NQO2: variants seen among roughly 807,000 people sequenced by gnomAD.
NQO2 encodes the protein ribosyldihydronicotinamide dehydrogenase [quinone].
Under a neutral mutation model 22.0 loss-of-function variants are expected in NQO2, and 18 were observed. That is an observed-to-expected ratio of 0.82 (90% CI 0.56 to 1.21). NQO2 has a LOEUF of 1.21. NQO2 is among the 50% of genes most tolerant of loss of function. The pLI is 0.00. For missense variants in NQO2, 267 were observed against 286.9 expected (o/e 0.93, Z 0.50); for synonymous variants, 106 against 110.8 (o/e 0.96, Z 0.28).
At chr6:3,003,772 T>C in intron 1 of NQO2, 8 of 948,562 alleles carry the variant, frequency 8.4e-6, no homozygotes, top group Non-Finnish European at 1.0e-5. Flanking sequence ...TGCTGTGATG[T>C]ACCTTAAACA....
At position 3,016,954 on chromosome 6, in the gene NQO2, G is replaced by C. The variant is rs1163062207; in HGVS notation, c.488G>C (p.Gly163Ala). The C allele has an allele frequency of 6.2e-7, 1 of 1,614,076 alleles. No homozygotes were observed. The highest frequency in any genetic ancestry group is 1.7e-5 in the Admixed American group (1 of 60,022). The change falls in exon 6 of 7, where the codon GGA becomes GCA. Residue 163 changes from glycine to alanine, a missense_variant. By Grantham distance (60) the Gly-to-Ala change is moderately conservative. Coordinates refer to ENST00000380455, the MANE Select transcript of NQO2 (RefSeq NM_000904.6). ...ATGTACACGAAGACAGGAGTCAATGGAGATTCTCGATACTTCCTGTGGCCA... is the reference window on the plus strand; with the variant it reads ...ATGTACACGAAGACAGGAGTCAATGCAGATTCTCGATACTTCCTGTGGCCA... ...AEMYTKTGVN[G>A]DSRYFLWPLQ...
At position 3,006,251 on chromosome 6, in the gene NQO2, A is replaced by T; in HGVS notation, c.-85-217A>T. 2 of 819,936 alleles carry T rather than the reference A, an allele frequency of 2.4e-6. No homozygotes were observed. Among genetic ancestry groups the T allele is most frequent in the Non-Finnish European group, 2.9e-6 (2 of 679,208 alleles). The allele number at this position is 819,936 out of a possible 1,614,324, so 50.8% of individuals were successfully genotyped here. A position where few individuals can be genotyped will look rare whatever the true frequency, so the allele number is the denominator to read the frequency against. ...GTATGACTGTCTGGATGGAAGGTTC[A>T]GAGTCCTCTCAAAAAAGGAAAAAAG... is the stretch of plus-strand genomic sequence containing the variant. On this transcript the variant is annotated intron_variant, in intron 1 of 6. Transcript: ENST00000380455. This position sits in a 1 kb window ranked among gnomAD's most constrained non-coding sequence, Gnocchi z 4.0.
intron 1 of NQO2, chr6:3,004,729 C>A: frequency 1.3e-6 from 1 of 780,796 alleles, no homozygotes; most frequent in Non-Finnish European, 1.6e-6. Flanking sequence ...TTCACGTTGT[C>A]GTTTGGACAC....
intron 2 of NQO2, among the ~76,000 whole-genome samples, chr6:3,007,994 G>T (rs1409451371): frequency 6.6e-6 from 1 of 152,222 alleles, no homozygotes; most frequent in Non-Finnish European, 1.5e-5. Context: ...ATTAGGTTGG[G>T]CTTTTAAAAG....
chr6:3,002,299 A>G (rs1235707210), intron 1 of NQO2: 2 of 888,176 alleles, frequency 2.3e-6, no homozygotes, highest in Non-Finnish European at 2.7e-6. Flanking sequence ...AAATCATTTC[A>G]TATCACTCTA....
chr6:3,012,424 G>A (rs1757163912), intron 3 of NQO2, 120 bp from the exon 4 acceptor site: 2 of 1,497,742 alleles, frequency 1.3e-6, no homozygotes, highest in African/African-American at 1.4e-5. Context: ...TTCTGGTCAG[G>A]TTGCAGCAAA....
At chr6:3,016,116 G>C (rs1016186513) in intron 5 of NQO2, among the ~76,000 whole-genome samples, 2 of 152,206 alleles carry the variant, frequency 1.3e-5, no homozygotes, top group Non-Finnish European at 2.9e-5. Context: ...ACATGTGGTA[G>C]CTATGAATTC....
chr6:3,010,213 A>G (rs1757097950), intron 3 of NQO2, 24 bp downstream of exon 3: 2 of 1,530,276 alleles, frequency 1.3e-6, no homozygotes, highest in South Asian at 2.5e-5. Flanking sequence ...TAAATGCTCT[A>G]TTTATAAAAA....
chr6:3,015,069 T>A, intron 4 of NQO2: 1 of 1,288,356 alleles, frequency 7.8e-7, no homozygotes, highest in Non-Finnish European at 1.0e-6. Context: ...AGCGCTGGTC[T>A]AAGGAATACA....
rs375073258 is a variant in NQO2 at position 3,001,123 on chromosome 6, C to A, written c.-86+1038C>A. On this transcript the variant is annotated intron_variant, in intron 1 of 6. Transcript: ENST00000380455. ...TTTTTTTTTGAGATGGAGTTTCACTCTTATTGCCCAAGCTGGAGTGCAATG... is the reference window on the plus strand; with the variant it reads ...TTTTTTTTTGAGATGGAGTTTCACTATTATTGCCCAAGCTGGAGTGCAATG... Among the ~76,000 whole-genome samples the A allele has an allele frequency of 1.6e-4, 20 of 121,818 alleles. 2 individuals are homozygous for A. Among genetic ancestry groups the A allele is most frequent in the Admixed American group, 1.3e-3 (14 of 10,974 alleles). 79.9% of individuals were successfully genotyped at this position (121,818 alleles called of 152,430 possible). A position where few individuals can be genotyped will look rare whatever the true frequency, so the allele number is the denominator to read the frequency against.
intron 6 of NQO2, among the ~76,000 whole-genome samples, chr6:3,018,552 G>A (rs1158964788): frequency 6.6e-6 from 1 of 152,108 alleles, no homozygotes; most frequent in South Asian, 2.1e-4. Flanking sequence ...TGTTGCCTGA[G>A]GAAAAAAATG....
rs372144115 is a variant in NQO2 at position 3,015,534 on chromosome 6, C to T, written c.308C>T (p.Pro103Leu). 2.0e-5 allele frequency: 32 copies of T among 1,613,852 alleles called. No individual in the cohort carries two copies. The highest frequency in any genetic ancestry group is 1.6e-4 in the African/African-American group (12 of 74,900). The change falls in exon 5 of 7, where the codon CCG (proline) becomes CTG (leucine). Residue 103 changes from proline to leucine, a missense_variant. By Grantham distance (98) the Pro-to-Leu change is moderately conservative (BLOSUM62 -3). Transcript: ENST00000380455. The part of the protein sequence containing the change: ...READLVIFQF[P>L]LYWFSVPAIL... ...CTTTGGTGTTGCCGCCCACAGTTCCCGCTGTACTGGTTCAGCGTGCCAGCC... is the reference window on the plus strand; with the variant it reads ...CTTTGGTGTTGCCGCCCACAGTTCCTGCTGTACTGGTTCAGCGTGCCAGCC...
At chr6:3,015,823 A>G (rs2038562) in intron 5 of NQO2, among the ~76,000 whole-genome samples, 180 bp downstream of exon 5, 8,605 of 152,318 alleles carry the variant, frequency 0.056, 390 homozygotes, top group African/African-American at 0.12. Flanking sequence ...TTCTGAAATC[A>G]TGGAGCTTTT....
chr6:3,013,536 A>C, intron 4 of NQO2, among the ~76,000 whole-genome samples: 1 of 151,902 alleles, frequency 6.6e-6, no homozygotes, highest in East Asian at 1.9e-4. Flanking sequence ...TCCTGCCTTA[A>C]ATATCCTGAT....
At chr6:3,002,127 A>G in intron 1 of NQO2, 1 of 806,470 alleles carries the variant, frequency 1.2e-6, no homozygotes. Context: ...CAAGGAATAC[A>G]AAAGGGAGTG....
In NQO2 at chr6:3,015,633, G is replaced by A; in HGVS notation, c.407G>A (p.Gly136Asp). The change falls in exon 5 of 7, where the codon GGT (glycine) becomes GAT (aspartate). Residue 136 changes from glycine to aspartate, a missense_variant. Gly to Asp is a moderately conservative substitution (Grantham distance 94). Coordinates refer to ENST00000380455, the MANE Select transcript of NQO2 (RefSeq NM_000904.6). Reference sequence around the variant, plus strand: ...GACATCCCAGGATTCTACGATTCCGGTTTGCTCCAGGTATGTGCTCTTGGA... The same window carrying A: ...GACATCCCAGGATTCTACGATTCCGATTTGCTCCAGGTATGTGCTCTTGGA... ...AFDIPGFYDS[G>D]LLQGKLALLS... The A allele has an allele frequency of 1.9e-6, 3 of 1,614,152 alleles. No homozygotes were observed. Among genetic ancestry groups the A allele is most frequent in the Non-Finnish European group, 2.5e-6 (3 of 1,180,028 alleles).
rs926355283 is a variant in NQO2, at chr6:3,010,476, G to T, written c.172+287G>T. On this transcript the variant is annotated intron_variant, in intron 3 of 6. Transcript: ENST00000380455. ...CCCCACAAACTACCCAGCACCAGCT[G>T]TGTGGGAAATTTCCTCCCAAGTCAC... 4.6e-5 allele frequency among the ~76,000 whole-genome samples: 7 copies of T among 152,090 alleles called. No homozygotes were observed. In the East Asian group the frequency reaches 1.4e-3, roughly 30 times the overall value.
At chr6:3,000,862 T>A (rs1385085482) in intron 1 of NQO2, among the ~76,000 whole-genome samples, 2 of 143,590 alleles carry the variant, frequency 1.4e-5, no homozygotes, top group Non-Finnish European at 3.1e-5. Context: ...CTTTTTTTTT[T>A]AGAAGAGTCT....
rs144400431 is a variant in NQO2, at chr6:3,019,551, G to A, written c.592G>A (p.Glu198Lys). ...QISFAPEIAS[E>K]EERKGMVAAW... ...CAGCTTTGCTCCTGAAATTGCATCCGAAGAAGAAAGAAAGGGGATGGTGGC... is the reference window on the plus strand; with the variant it reads ...CAGCTTTGCTCCTGAAATTGCATCCAAAGAAGAAAGAAAGGGGATGGTGGC... Residue 198 changes from glutamate to lysine, a missense_variant, in exon 7 of 7, where the codon GAA becomes AAA. Glu to Lys is a moderately conservative substitution (Grantham distance 56). Transcript: ENST00000380455. 2.5e-5 allele frequency: 41 copies of A among 1,614,008 alleles called. No homozygotes were observed. Among genetic ancestry groups the A allele is most frequent in the Middle Eastern group, 3.3e-4 (2 of 6,084 alleles).
Sources: gnomAD v4.1 joint callset for allele counts (sites outside exome capture counted in the v4.1 genomes callset) on GRCh38, gnomAD v4.1.1 for gene constraint, Gnocchi (gnomAD v3.1) non-coding constraint, MANE v1.5 for transcripts, NCBI Gene and HGNC (gene_info 2026-07-23, HGNC 2026-07-21) for gene names.